The following TEFM variants were observed in gnomAD, a reference collection of about 807,000 sequenced individuals.
TEFM encodes the protein transcription elongation factor of mitochondria.
Under a neutral mutation model 23.0 loss-of-function variants are expected in TEFM, and 14 were observed. The ratio of observed to expected loss-of-function variants is 0.61; its 90% CI spans 0.40 to 0.95. The LOEUF is 0.95. Ranked by LOEUF, TEFM falls within the 40% of genes least tolerant of loss-of-function variation. TEFM has a pLI of 0.00. For missense variants in TEFM, 386 were observed against 425.5 expected (o/e 0.91, Z 0.82); for synonymous variants, 155 against 158.3 (o/e 0.98, Z 0.16).
At position 30,904,097 on chromosome 17, in the gene TEFM, A is replaced by C. The variant is rs1363502604; in HGVS notation, c.464T>G (p.Leu155Arg). The change falls in exon 2 of 4, where the codon CTC (leucine) becomes CGC (arginine). Residue 155 changes from leucine to arginine, a missense_variant. Transcript: ENST00000581216. ...SPENRFLRKL[L>R]KPDIERERLK... ...TCTTTCTCTTTCTATGTCTGGTTTG[A>C]GGAGCTTTCTCAGGAACCGGTTTTC... 6.2e-7 allele frequency: 1 copy of C among 1,613,784 alleles called. No homozygotes were observed. The highest frequency in any genetic ancestry group is 1.3e-5 in the African/African-American group (1 of 74,930).
rs952332091 is a variant in TEFM at position 30,906,206 on chromosome 17, T to A, written c.-8A>T. ...GAGGACAGACCCGCTCATCTCCAAG[T>A]TGAATCAGTAGGTCCAGTCTTCCTC... On this transcript the variant is annotated 5_prime_UTR_variant, in exon 1 of 4. Coordinates refer to ENST00000581216, the MANE Select transcript of TEFM (RefSeq NM_024683.4). 6.2e-7 allele frequency: 1 copy of A among 1,614,248 alleles called. No homozygotes were observed. Among genetic ancestry groups the A allele is most frequent in the Non-Finnish European group, 8.5e-7 (1 of 1,180,048 alleles).
At chr17:30,900,679 A>G (rs11657225) in intron 2 of TEFM, 117 bp from the exon 3 acceptor site, 100,680 of 831,442 alleles carry the variant, frequency 0.12, 7,099 homozygotes, top group South Asian at 0.24. Context: ...TCAACTCACT[A>G]CAAGCTCCAC....
Position 30,899,002 on chromosome 17 carries a change from T to C in TEFM, c.*167A>G. The C allele has an allele frequency of 3.2e-6, 2 of 623,218 alleles. No individual in the cohort carries two copies. The highest frequency in any genetic ancestry group is 2.4e-5 in the South Asian group (1 of 41,028). 38.6% of individuals were successfully genotyped at this position (623,218 alleles called of 1,614,324 possible). A position where few individuals can be genotyped will look rare whatever the true frequency, so the allele number is the denominator to read the frequency against. The stretch of plus-strand genomic sequence containing the variant: ...GGCACAGAATCTCATAAAATGTTTA[T>C]TGATTTGGTCTTGGCTTATTGTGTA... On this transcript the variant is annotated 3_prime_UTR_variant, in exon 4 of 4. Transcript: ENST00000581216.
chr17:30,904,289 A>G lies in TEFM; in HGVS notation c.272T>C (p.Leu91Pro). 6.2e-7 allele frequency: 1 copy of G among 1,614,260 alleles called. No homozygotes were observed. The highest frequency in any genetic ancestry group is 8.5e-7 in the Non-Finnish European group (1 of 1,180,052). ...STKELEAFRL[L>P]RGRRSINIVE... ...GATATTGATGGACCTTCTTCCACGAAGCAATCGGAAAGCTTCAAGTTCTTT... is the reference window on the plus strand; with the variant it reads ...GATATTGATGGACCTTCTTCCACGAGGCAATCGGAAAGCTTCAAGTTCTTT... The change falls in exon 2 of 4, where the codon CTT becomes CCT. Residue 91 changes from leucine to proline, a missense_variant. By Grantham distance (98) the Leu-to-Pro change is moderately conservative. Transcript: ENST00000581216.
chr17:30,899,983 C>A (rs1045020232), intron 3 of TEFM: 1 of 263,184 alleles, frequency 3.8e-6, no homozygotes, highest in Non-Finnish European at 7.1e-6. Flanking sequence ...ACCTCTGCAA[C>A]TGACTAATCA....
At chr17:30,899,699 A>G in intron 3 of TEFM, 93 bp from the exon 4 acceptor site, 1 of 842,604 alleles carries the variant, frequency 1.2e-6, no homozygotes. Context: ...TAAAAATATT[A>G]TAATTAGTTA....
intron 1 of TEFM, 152 bp from the exon 2 acceptor site, chr17:30,904,681 C>CTT (rs200219653): frequency 8.1e-3 from 3,752 of 460,896 alleles, no homozygotes; most frequent in South Asian, 0.015. Context: ...GGAGAATCAT[C>CTT]TTTTTTTTTT....
chr17:30,899,702 ATTAG>A (rs1316488190), intron 3 of TEFM, 96 bp from the exon 4 acceptor site: 5 of 834,522 alleles, frequency 6.0e-6, no homozygotes, highest in Non-Finnish European at 6.9e-6. Flanking sequence ...AAATATTATA[ATTAG>A]TTAATTTATA....
At chr17:30,905,481 T>C (rs1360495388) in intron 1 of TEFM, among the ~76,000 whole-genome samples, 2 of 149,830 alleles carry the variant, frequency 1.3e-5, no homozygotes, top group Admixed American at 6.8e-5. Context: ...GATCGCACCA[T>C]TGCACTCCAG....
In TEFM at chr17:30,899,493, C is replaced by T; in HGVS notation, c.759G>A (p.Met253Ile). 1 of 1,614,048 alleles carries T rather than the reference C, an allele frequency of 6.2e-7. No individual in the cohort carries two copies. Among genetic ancestry groups the T allele is most frequent in the South Asian group, 1.1e-5 (1 of 91,080 alleles). ...TTAATAAGGCATACAGCATGGCTTC[C>T]ATGATATGAAAATGTAACAGTATTG... ...LFPILLHFHI[M>I]EAMLYALLNK... The change falls in exon 4 of 4, where the codon ATG becomes ATA. Residue 253 changes from methionine to isoleucine, a missense_variant. Transcript: ENST00000581216.
chr17:30,904,822 G>A lies in TEFM; in HGVS notation c.32-293C>T, dbSNP rs562698720. Among the ~76,000 whole-genome samples the A allele has an allele frequency of 5.3e-5, 8 of 152,060 alleles. No homozygotes were observed. In the South Asian group the frequency reaches 1.7e-3, roughly 32 times the overall value. On this transcript the variant is annotated intron_variant, in intron 1 of 3. Coordinates refer to ENST00000581216, the MANE Select transcript of TEFM (RefSeq NM_024683.4). ...GCCTCCCAGGTGGCTGGGACTACAG[G>A]CGCCTGCCACCACGCCCGGCTAATT...
At chr17:30,900,597 A>G (rs1205447947) in intron 2 of TEFM, 35 bp from the exon 3 acceptor site, 1 of 1,584,454 alleles carries the variant, frequency 6.3e-7, no homozygotes, top group Non-Finnish European at 8.6e-7. Flanking sequence ...AGAAGTATAA[A>G]CATTTTAGTT....
Position 30,904,440 on chromosome 17 carries a change from T to G in TEFM, c.121A>C (p.Lys41Gln). 6.2e-7 allele frequency: 1 copy of G among 1,614,186 alleles called. No individual in the cohort carries two copies. The highest frequency in any genetic ancestry group is 1.1e-5 in the South Asian group (1 of 91,088). Residue 41 changes from lysine (K) to glutamine (Q), a missense_variant, in exon 2 of 4, where the codon AAG (lysine) becomes CAG (glutamine). Transcript: ENST00000581216. ...FCCRKKSTTP[K>Q]KITPNVTFCD... The stretch of plus-strand genomic sequence containing the variant: ...AAAGTAACATTGGGAGTAATTTTCT[T>G]AGGTGTAGTGGATTTTTTCCGACAG...
At chr17:30,901,603 C>G (rs757588800) in intron 2 of TEFM, among the ~76,000 whole-genome samples, 11 of 152,176 alleles carry the variant, frequency 7.2e-5, no homozygotes, top group Non-Finnish European at 1.5e-4. Context: ...TGACATCTCA[C>G]ACTCTGGCAG....
At chr17:30,901,054 G>A (rs1842630373) in intron 2 of TEFM, among the ~76,000 whole-genome samples, 1 of 151,994 alleles carries the variant, frequency 6.6e-6, no homozygotes, top group South Asian at 2.1e-4. Context: ...ATGGAGTCTC[G>A]TTCTGTCACC....
At chr17:30,905,513 TCC>T (rs1396908608) in intron 1 of TEFM, among the ~76,000 whole-genome samples, 1 of 133,722 alleles carries the variant, frequency 7.5e-6, no homozygotes, top group Admixed American at 8.1e-5. Context: ...AGAGCGAAAC[TCC>T]GTCTCAAAAA....
intron 2 of TEFM, 85 bp downstream of exon 2, chr17:30,903,981 C>T (rs1156337351): frequency 3.3e-6 from 4 of 1,220,458 alleles, no homozygotes; most frequent in Non-Finnish European, 4.5e-6. Context: ...CCTGTCTTAG[C>T]CACTTCCCAA....
chr17:30,901,265 C>T (rs781611148), intron 2 of TEFM, among the ~76,000 whole-genome samples: 2 of 152,144 alleles, frequency 1.3e-5, no homozygotes, highest in Non-Finnish European at 2.9e-5. Context: ...AAGTGATCCA[C>T]CTGCCTCTGC....
At chr17:30,901,886 C>G (rs1203912031) in intron 2 of TEFM, among the ~76,000 whole-genome samples, 2 of 152,116 alleles carry the variant, frequency 1.3e-5, no homozygotes, top group East Asian at 3.8e-4. Context: ...ATAGTGGGAG[C>G]AGAATTAATA....
Sources: allele counts gnomAD v4.1 joint callset (sites outside exome capture counted in the v4.1 genomes callset), GRCh38; gene constraint gnomAD v4.1.1; transcripts MANE v1.5; gene names NCBI Gene and HGNC (gene_info 2026-07-23, HGNC 2026-07-21).